Variants in USO1 observed in about 807,000 individuals in gnomAD.
USO1 encodes the protein USO1 vesicle transport factor.
In USO1, 57 loss-of-function variants were observed where a neutral mutation model predicts 124.5. The ratio of observed to expected loss-of-function variants is 0.46; its 90% CI spans 0.37 to 0.57. The LOEUF (loss-of-function observed/expected upper bound fraction) is 0.57. USO1 is among the 20% of genes least tolerant of loss of function. The probability of loss-of-function intolerance (pLI) is 0.00; values close to 1 mark genes in which losing one functional copy is unlikely to be tolerated. For synonymous variants in USO1, 369 were observed against 362.8 expected (o/e 1.02, Z -0.19); for missense variants, 900 against 1,040.6 (o/e 0.86, Z 1.86).
chr4:75,728,122 A>G (rs928391670), intron 1 of USO1, among the ~76,000 whole-genome samples: 5 of 152,250 alleles, frequency 3.3e-5, no homozygotes, highest in South Asian at 2.1e-4. Flanking sequence ...CACTTTTTAA[A>G]GACTAGAAAC....
intron 8 of USO1, among the ~76,000 whole-genome samples, chr4:75,778,858 G>T (rs1029050361): frequency 6.6e-6 from 1 of 152,098 alleles, no homozygotes. Flanking sequence ...AATGATGGGG[G>T]AACTGGAAAG....
intron 8 of USO1, among the ~76,000 whole-genome samples, chr4:75,780,902 C>T (rs925298769): frequency 6.6e-6 from 1 of 152,050 alleles, no homozygotes; most frequent in Admixed American, 6.6e-5. Flanking sequence ...CCACCTCAGC[C>T]TCCCAAAGTG....
intron 3 of USO1, among the ~76,000 whole-genome samples, chr4:75,756,713 C>G (rs1023088895): frequency 2.0e-5 from 3 of 151,834 alleles, no homozygotes; most frequent in Admixed American, 2.0e-4. Context: ...TCCGTCTCTA[C>G]TTTTGGTCAG....
intron 3 of USO1, among the ~76,000 whole-genome samples, chr4:75,756,169 CAA>C (rs11451328): frequency 1.2e-4 from 14 of 112,188 alleles, no homozygotes; most frequent in Admixed American, 2.8e-4. Context: ...GACTCCGTCT[CAA>C]AAAAAAAAAA....
At chr4:75,729,340 T>C (rs1456569725) in intron 1 of USO1, among the ~76,000 whole-genome samples, 1 of 151,880 alleles carries the variant, frequency 6.6e-6, no homozygotes, top group African/African-American at 2.4e-5. Context: ...AGCACCTTTT[T>C]TTTGGGTAGG....
At chr4:75,753,361 G>A (rs961320825) in intron 3 of USO1, among the ~76,000 whole-genome samples, 35 of 146,886 alleles carry the variant, frequency 2.4e-4, no homozygotes, top group African/African-American at 6.2e-4. Flanking sequence ...GGTGAAACCC[G>A]GTCTCTACTA....
chr4:75,810,427 T>G lies in USO1; in HGVS notation c.2476-5T>G. ...GACATCTTTTTTTCCAATTTCTAAT[T>G]TCAGGCAAAATCAGTTGAGGTACAA... On this transcript the variant is annotated splice_polypyrimidine_tract_variant and splice_region_variant and intron_variant, in intron 21 of 23. Transcript: ENST00000514213. 5 of 1,601,676 alleles carry G rather than the reference T, an allele frequency of 3.1e-6. No individual in the cohort carries two copies. Among genetic ancestry groups the G allele is most frequent in the Non-Finnish European group, 4.3e-6 (5 of 1,176,218 alleles).
chr4:75,780,639 A>ATTTT (rs1722193984), intron 8 of USO1, among the ~76,000 whole-genome samples: 4 of 69,452 alleles, frequency 5.8e-5, no homozygotes, highest in East Asian at 5.0e-4. Flanking sequence ...ATAAATTTTG[A>ATTTT]CTTTTTTTTT....
intron 7 of USO1, among the ~76,000 whole-genome samples, chr4:75,771,699 CTTG>C (rs1002462129): frequency 2.6e-5 from 4 of 152,112 alleles, no homozygotes; most frequent in African/African-American, 9.7e-5. Context: ...AAGGATTTGC[CTTG>C]TTAATCATGG....
intron 4 of USO1, among the ~76,000 whole-genome samples, chr4:75,764,385 T>A (rs1039727201): frequency 2.6e-5 from 4 of 152,152 alleles, no homozygotes; most frequent in Non-Finnish European, 5.9e-5. Context: ...TTTACACTGG[T>A]GTAGTAAGTG....
At chr4:75,727,777 T>C (rs993310267) in intron 1 of USO1, among the ~76,000 whole-genome samples, 2 of 152,162 alleles carry the variant, frequency 1.3e-5, no homozygotes, top group African/African-American at 4.8e-5. Flanking sequence ...TTCTAACATC[T>C]TTTTTCCAAT....
intron 8 of USO1, among the ~76,000 whole-genome samples, chr4:75,778,168 C>A (rs907595718): frequency 1.1e-4 from 16 of 152,266 alleles, no homozygotes; most frequent in Middle Eastern, 3.4e-3. Context: ...AGTTGAAAAT[C>A]TACTTTTTAA....
intron 4 of USO1, among the ~76,000 whole-genome samples, chr4:75,767,688 T>A (rs1257940762): frequency 6.6e-6 from 1 of 152,190 alleles, no homozygotes; most frequent in Non-Finnish European, 1.5e-5. Flanking sequence ...CATTTTGAGT[T>A]AATGGGTGTA....
At chr4:75,735,491 G>A (rs1294297896) in intron 1 of USO1, among the ~76,000 whole-genome samples, 1 of 151,982 alleles carries the variant, frequency 6.6e-6, no homozygotes, top group Non-Finnish European at 1.5e-5. Context: ...CACCATCCTA[G>A]TTCTATGCTG....
intron 19 of USO1, among the ~76,000 whole-genome samples, chr4:75,805,681 C>T (rs1422368464): frequency 4.0e-5 from 6 of 150,894 alleles, no homozygotes; most frequent in Non-Finnish European, 8.8e-5. Flanking sequence ...CACCTCATTG[C>T]CTGTGCGACA....
chr4:75,748,190 C>T (rs1721186737), intron 1 of USO1, among the ~76,000 whole-genome samples: 1 of 150,100 alleles, frequency 6.7e-6, no homozygotes, highest in Admixed American at 6.7e-5. Flanking sequence ...AGGCGTGAGC[C>T]ATCGTGCCCA....
At chr4:75,744,919 CA>C in intron 1 of USO1, 1 of 509,010 alleles carries the variant, frequency 2.0e-6, no homozygotes, top group Non-Finnish European at 3.9e-6. Flanking sequence ...TGCTCTAAAA[CA>C]AATTTCTAGA....
intron 7 of USO1, among the ~76,000 whole-genome samples, 167 bp from the exon 8 acceptor site, chr4:75,774,509 G>A (rs1029262413): frequency 2.0e-5 from 3 of 152,192 alleles, no homozygotes; most frequent in Non-Finnish European, 2.9e-5. Flanking sequence ...TATAACCTTA[G>A]GGAGACAAAT....
Position 75,787,255 on chromosome 4 carries a change from T to C in USO1, c.996+53T>C, listed in dbSNP as rs1722390256. ...CTGTGGAAGTTGAAATCCTGAATCC[T>C]AGGAAGAATTAGATATTTGTTGAAG... On this transcript the variant is annotated intron_variant, in intron 10 of 23. Coordinates refer to ENST00000514213, the MANE Select transcript of USO1 (RefSeq NM_003715.4). 17 of 1,384,324 alleles carry C rather than the reference T, an allele frequency of 1.2e-5. No individual in the cohort carries two copies. In the South Asian group the frequency reaches 2.8e-4, roughly 23 times the overall value. 85.8% of individuals were successfully genotyped at this position (1,384,324 alleles called of 1,614,324 possible).
Sources: allele counts gnomAD v4.1 joint callset (sites outside exome capture counted in the v4.1 genomes callset), GRCh38; gene constraint gnomAD v4.1.1; transcripts MANE v1.5; gene names NCBI Gene and HGNC (gene_info 2026-07-23, HGNC 2026-07-21).